AGPS: variants seen among roughly 807,000 people sequenced by gnomAD.
AGPS encodes the protein alkylglycerone phosphate synthase, also known as alkyldihydroxyacetonephosphate synthase, peroxisomal.
Under a neutral mutation model 90.7 loss-of-function variants are expected in AGPS, and 26 were observed. The observed-to-expected ratio is 0.29, with a 90% CI of 0.21 to 0.40. The LOEUF (loss-of-function observed/expected upper bound fraction) is 0.40, where lower values mean the gene tolerates loss of function less well. AGPS is among the 10% of genes least tolerant of loss of function. AGPS has a pLI of 1.00. For missense variants in AGPS, 540 were observed against 816.1 expected, an observed-to-expected ratio of 0.66 and a Z score of 4.12; for synonymous variants, 294 against 285.3, an observed-to-expected ratio of 1.03 and a Z score of -0.31.
rs139452758 is a variant in AGPS, at chr2:177,537,609, C to G, written c.1856-465C>G. 5.6e-3 allele frequency among the ~76,000 whole-genome samples: 859 copies of G among 152,044 alleles called. 9 individuals are homozygous for G. Among genetic ancestry groups the G allele is most frequent in the African/African-American group, 0.02 (817 of 41,486 alleles). On this transcript the variant is annotated intron_variant, in intron 19 of 19. Coordinates refer to ENST00000264167, the MANE Select transcript of AGPS (RefSeq NM_003659.4). ...TTTCAAATTTTCTTATTATTTGAAG[C>G]CTTTATGTTCGTTAAAATATTTTAA...
chr2:177,523,127 T>C (rs1490021374), intron 18 of AGPS, among the ~76,000 whole-genome samples: 1 of 152,160 alleles, frequency 6.6e-6, no homozygotes, highest in African/African-American at 2.4e-5. Flanking sequence ...TTATCCCAAG[T>C]CATTGACCTA....
chr2:177,433,183 A>G (rs1206992406), intron 2 of AGPS, among the ~76,000 whole-genome samples: 1 of 152,254 alleles, frequency 6.6e-6, no homozygotes, highest in Non-Finnish European at 1.5e-5. Flanking sequence ...AAGATTTCTT[A>G]CATGTAATTG....
Position 177,482,108 on chromosome 2 carries a change from T to G in AGPS, c.1155T>G (p.Pro385=), listed in dbSNP as rs1195065947. ...CTACAATAAAAATCAGACCAGTCCC[T>G]GAATACCAAAAGTATGGCTCAGTAG... is the stretch of plus-strand genomic sequence containing the variant. The part of the protein sequence containing the change: ...TEATIKIRPV[P]EYQKYGSVAF... The change falls in exon 11 of 20, where the codon CCT becomes CCG. Residue 385 remains proline, a synonymous_variant. Transcript: ENST00000264167. 6.2e-7 allele frequency: 1 copy of G among 1,606,062 alleles called. No individual in the cohort carries two copies. The highest frequency in any genetic ancestry group is 8.5e-7 in the Non-Finnish European group (1 of 1,174,814).
At chr2:177,481,065 T>G (rs1687929322) in intron 10 of AGPS, among the ~76,000 whole-genome samples, 2 of 152,124 alleles carry the variant, frequency 1.3e-5, no homozygotes, top group Non-Finnish European at 2.9e-5. Flanking sequence ...TAATCCTGTG[T>G]TATATATTGA....
chr2:177,488,811 A>G (rs1012609361), intron 11 of AGPS, among the ~76,000 whole-genome samples: 1 of 152,226 alleles, frequency 6.6e-6, no homozygotes, highest in Admixed American at 6.5e-5. Context: ...TTTTCAATCA[A>G]GTATAATTCA....
intron 19 of AGPS, among the ~76,000 whole-genome samples, chr2:177,533,982 G>T (rs2079161473): frequency 6.6e-6 from 1 of 152,144 alleles, no homozygotes; most frequent in Non-Finnish European, 1.5e-5. Flanking sequence ...CACCTTCAAT[G>T]ATCTTCTAAA....
At chr2:177,530,066 A>G (rs1037917900) in intron 19 of AGPS, among the ~76,000 whole-genome samples, 2 of 152,220 alleles carry the variant, frequency 1.3e-5, no homozygotes, top group African/African-American at 4.8e-5. Context: ...CCAGGTGGCA[A>G]TCTGTTTGGC....
chr2:177,446,154 T>A (rs1686762977), intron 8 of AGPS, among the ~76,000 whole-genome samples: 1 of 151,984 alleles, frequency 6.6e-6, no homozygotes, highest in South Asian at 2.1e-4. Context: ...TGTTACTTTT[T>A]TTTTTTTTAT....
At position 177,537,000 on chromosome 2, in the gene AGPS, T is replaced by C. The variant is rs182495732; in HGVS notation, c.1856-1074T>C. Among the ~76,000 whole-genome samples the C allele has an allele frequency of 1.2e-3, 183 of 152,290 alleles. 1 individual carries two copies. In the East Asian group the frequency reaches 0.018, roughly 15 times the overall value. Reference sequence around the variant, plus strand: ...AAAGAAGGTTTCCCATTTCAGTTGGTCAATTAAATCACTGTTGATGACTTT... The same window carrying C: ...AAAGAAGGTTTCCCATTTCAGTTGGCCAATTAAATCACTGTTGATGACTTT... On this transcript the variant is annotated intron_variant, in intron 19 of 19. Coordinates refer to ENST00000264167, the MANE Select transcript of AGPS (RefSeq NM_003659.4).
intron 10 of AGPS, among the ~76,000 whole-genome samples, chr2:177,473,960 C>G (rs1378603827): frequency 1.3e-5 from 2 of 152,134 alleles, no homozygotes; most frequent in Non-Finnish European, 2.9e-5. Context: ...TTTAGATTGC[C>G]TGCAGTATAT....
chr2:177,446,362 G>A (rs551629151), intron 8 of AGPS, among the ~76,000 whole-genome samples: 7 of 151,904 alleles, frequency 4.6e-5, no homozygotes, highest in Admixed American at 3.3e-4. Context: ...CCGTGGTCTC[G>A]GATCTCCTGA....
intron 10 of AGPS, among the ~76,000 whole-genome samples, chr2:177,479,788 G>T (rs1167139719): frequency 6.6e-6 from 1 of 152,190 alleles, no homozygotes; most frequent in African/African-American, 2.4e-5. Context: ...AATGGAGAGG[G>T]TTTGTTTAGT....
At chr2:177,445,715 G>A (rs1287469742) in intron 8 of AGPS, 89 bp downstream of exon 8, 9 of 878,952 alleles carry the variant, frequency 1.0e-5, no homozygotes, top group Non-Finnish European at 1.6e-5. Flanking sequence ...TTTCAAAACT[G>A]TATCCCCTCT....
At chr2:177,526,745 A>T (rs1014699923) in intron 19 of AGPS, among the ~76,000 whole-genome samples, 12 of 152,190 alleles carry the variant, frequency 7.9e-5, no homozygotes, top group African/African-American at 2.2e-4. Flanking sequence ...AAGAGCATTC[A>T]AAAGATGCCT....
At chr2:177,479,380 G>T (rs1481883746) in intron 10 of AGPS, among the ~76,000 whole-genome samples, 1 of 152,026 alleles carries the variant, frequency 6.6e-6, no homozygotes, top group Non-Finnish European at 1.5e-5. Flanking sequence ...ATATTATATG[G>T]AATAGGATCA....
At chr2:177,519,010 G>A (rs1036540699) in intron 17 of AGPS, among the ~76,000 whole-genome samples, 2 of 152,144 alleles carry the variant, frequency 1.3e-5, no homozygotes, top group African/African-American at 2.4e-5. Flanking sequence ...TCTGTGTTCT[G>A]TAGAGTTGGT....
intron 19 of AGPS, among the ~76,000 whole-genome samples, chr2:177,531,745 C>T (rs1381003768): frequency 1.3e-5 from 2 of 152,094 alleles, no homozygotes; most frequent in Non-Finnish European, 2.9e-5. Flanking sequence ...TATTTCAAGA[C>T]TTACTATATA....
chr2:177,483,462 A>G (rs190981235), intron 11 of AGPS, among the ~76,000 whole-genome samples: 8 of 152,284 alleles, frequency 5.3e-5, no homozygotes, highest in Admixed American at 5.2e-4. Flanking sequence ...CTTACTTGTC[A>G]GTTAGATTGC....
chr2:177,526,737 G>T (rs2079091126), intron 19 of AGPS, among the ~76,000 whole-genome samples: 2 of 152,164 alleles, frequency 1.3e-5, no homozygotes, highest in African/African-American at 4.8e-5. Context: ...TTTCTTTGAA[G>T]AGCATTCAAA....
Sources: gnomAD v4.1 joint callset for allele counts (sites outside exome capture counted in the v4.1 genomes callset) on GRCh38, gnomAD v4.1.1 for gene constraint, MANE v1.5 for transcripts, NCBI Gene and HGNC (gene_info 2026-07-23, HGNC 2026-07-21) for gene names.